SGCZ: variants seen among roughly 807,000 people sequenced by gnomAD.
SGCZ encodes sarcoglycan zeta.
In SGCZ, 40 loss-of-function variants were observed where a neutral mutation model predicts 41.3. The ratio of observed to expected loss-of-function variants is 0.97; its 90% confidence interval spans 0.75 to 1.26. The LOEUF is 1.26. Ranked by LOEUF, SGCZ falls within the 50% of genes most tolerant of loss-of-function variation. The pLI is 0.00. For missense variants in SGCZ, 552 were observed against 369.8 expected (o/e 1.49, Z -4.04); for synonymous variants, 206 against 137.5 (o/e 1.50, Z -3.49).
At chr8:14,275,079 T>C (rs541617122) in intron 3 of SGCZ, among the ~76,000 whole-genome samples, 3 of 152,190 alleles carry the variant, frequency 2.0e-5, no homozygotes, top group Non-Finnish European at 4.4e-5. Context: ...AATGTACATG[T>C]AGGAATACAG....
At chr8:15,048,830 G>C (rs1311230303) in intron 1 of SGCZ, among the ~76,000 whole-genome samples, 1 of 151,922 alleles carries the variant, frequency 6.6e-6, no homozygotes, top group Non-Finnish European at 1.5e-5. Flanking sequence ...TAAGAAAAGA[G>C]ACTCTTCAGA....
intron 2 of SGCZ, among the ~76,000 whole-genome samples, chr8:14,498,773 A>C (rs965237136): frequency 1.3e-5 from 2 of 152,114 alleles, no homozygotes; most frequent in African/African-American, 2.4e-5. Context: ...GTGGCTAAAA[A>C]TTAAAAACAT....
intron 2 of SGCZ, among the ~76,000 whole-genome samples, chr8:14,351,242 T>G (rs1175624131): frequency 2.6e-5 from 4 of 152,152 alleles, no homozygotes; most frequent in Admixed American, 1.3e-4. Flanking sequence ...TATTTCCTAG[T>G]TAAACTTATT....
chr8:14,739,508 C>A (rs1799138568), intron 1 of SGCZ, among the ~76,000 whole-genome samples: 6 of 152,036 alleles, frequency 3.9e-5, no homozygotes. Flanking sequence ...TATTCTGTCT[C>A]TCTTTTTTGT....
intron 1 of SGCZ, among the ~76,000 whole-genome samples, chr8:14,958,075 T>C (rs560806547): frequency 6.6e-4 from 100 of 152,214 alleles, no homozygotes; most frequent in African/African-American, 2.3e-3. Flanking sequence ...ATTTTACTCA[T>C]GAAAGAATAA....
At chr8:14,308,804 A>T (rs1288799137) in intron 3 of SGCZ, among the ~76,000 whole-genome samples, 1 of 152,144 alleles carries the variant, frequency 6.6e-6, no homozygotes, top group Non-Finnish European at 1.5e-5. Flanking sequence ...AGAAACAGTG[A>T]TGGTCTAATG....
chr8:14,843,232 C>G (rs938888581), intron 1 of SGCZ, among the ~76,000 whole-genome samples: 2 of 151,978 alleles, frequency 1.3e-5, no homozygotes, highest in African/African-American at 4.8e-5. Context: ...AAAAAGAAGA[C>G]TAGTTTCTAT....
At chr8:14,862,058 G>C (rs1005007313) in intron 1 of SGCZ, among the ~76,000 whole-genome samples, 1 of 151,870 alleles carries the variant, frequency 6.6e-6, no homozygotes, top group Non-Finnish European at 1.5e-5. Context: ...AAATGATGAA[G>C]ACAAAATTTT....
chr8:14,347,648 G>A (rs954624164), intron 2 of SGCZ, among the ~76,000 whole-genome samples: 6 of 150,546 alleles, frequency 4.0e-5, no homozygotes, highest in Non-Finnish European at 8.9e-5. Flanking sequence ...ATACACATAG[G>A]TAAATCTCAA....
chr8:14,286,596 G>C (rs1039226734), intron 3 of SGCZ, among the ~76,000 whole-genome samples: 23 of 151,948 alleles, frequency 1.5e-4, no homozygotes, highest in African/African-American at 5.6e-4. Context: ...AACTTATCAT[G>C]ATCATTTTCT....
chr8:14,207,776 C>T lies in SGCZ; in HGVS notation c.424+29816G>A, dbSNP rs575970505. Among the ~76,000 whole-genome samples, 5 of 152,248 alleles carry T rather than the reference C, an allele frequency of 3.3e-5. No individual in the cohort carries two copies. In the East Asian group the frequency reaches 9.7e-4, roughly 29 times the overall value. ...TCTACCCTTCTACTACAACTACCTA[C>T]TTTAGATTATAAACTCATGAAGGGC... On this transcript the variant is annotated intron_variant, in intron 4 of 7. Coordinates refer to ENST00000382080, the MANE Select transcript of SGCZ (RefSeq NM_139167.4).
chr8:14,675,290 T>C (rs1005846199), intron 1 of SGCZ, among the ~76,000 whole-genome samples: 1 of 152,038 alleles, frequency 6.6e-6, no homozygotes, highest in Non-Finnish European at 1.5e-5. Flanking sequence ...TTTTTAGCAA[T>C]GCAAGAACAG....
At chr8:14,582,731 T>A (rs1174662035) in intron 1 of SGCZ, among the ~76,000 whole-genome samples, 2 of 146,934 alleles carry the variant, frequency 1.4e-5, no homozygotes, top group African/African-American at 5.1e-5. Flanking sequence ...ATTGTTCAAT[T>A]CCCACCTATG....
At chr8:14,727,956 G>C (rs887743348) in intron 1 of SGCZ, among the ~76,000 whole-genome samples, 18 of 152,130 alleles carry the variant, frequency 1.2e-4, no homozygotes, top group African/African-American at 4.3e-4. Flanking sequence ...CAGCATAAGT[G>C]CACAGTAAAA....
chr8:14,258,631 T>G (rs563820496), intron 3 of SGCZ, among the ~76,000 whole-genome samples: 119 of 152,314 alleles, frequency 7.8e-4, no homozygotes, highest in Non-Finnish European at 1.1e-3. Context: ...ACTGAGCTCT[T>G]ATGAAGTATA....
At chr8:15,078,405 T>C (rs187372681) in intron 1 of SGCZ, among the ~76,000 whole-genome samples, 70 of 152,092 alleles carry the variant, frequency 4.6e-4, no homozygotes, top group Non-Finnish European at 9.1e-4. Context: ...GAATGTACTC[T>C]CTATCTCAGG....
intron 4 of SGCZ, among the ~76,000 whole-genome samples, chr8:14,200,015 G>A (rs911832402): frequency 6.6e-6 from 1 of 152,132 alleles, no homozygotes; most frequent in African/African-American, 2.4e-5. Context: ...TGGGGTTGAC[G>A]ACGTAAACAG....
At chr8:14,901,870 A>G (rs888235753) in intron 1 of SGCZ, among the ~76,000 whole-genome samples, 1 of 152,170 alleles carries the variant, frequency 6.6e-6, no homozygotes, top group Non-Finnish European at 1.5e-5. Context: ...TCCTACATAC[A>G]TAAGTAAAAA....
At chr8:14,345,863 A>C (rs1041140704) in intron 2 of SGCZ, among the ~76,000 whole-genome samples, 13 of 152,086 alleles carry the variant, frequency 8.5e-5, no homozygotes, top group African/African-American at 2.9e-4. Context: ...ACTATATGAC[A>C]TTCTGGAAAA....
Sources: gnomAD v4.1 joint callset for allele counts (sites outside exome capture counted in the v4.1 genomes callset) on GRCh38, gnomAD v4.1.1 for gene constraint, MANE v1.5 for transcripts, NCBI Gene and HGNC (gene_info 2026-07-23, HGNC 2026-07-21) for gene names.